Variants in MARCHF1 observed in about 807,000 individuals in gnomAD.
The protein encoded by MARCHF1 is E3 ubiquitin-protein ligase MARCHF1.
Under a neutral mutation model 54.2 loss-of-function variants are expected in MARCHF1, and 40 were observed. The observed-to-expected ratio is 0.74, with a 90% confidence interval of 0.57 to 0.96. The LOEUF (loss-of-function observed/expected upper bound fraction) is 0.96. Ranked by LOEUF, MARCHF1 falls within the 40% of genes least tolerant of loss-of-function variation. The probability of loss-of-function intolerance (pLI) is 0.00; values close to 1 mark genes in which losing one functional copy is unlikely to be tolerated. For missense variants in MARCHF1, 586 were observed against 656.5 expected (o/e 0.89, Z 1.17); for synonymous variants, 236 against 236.3 (o/e 1.00, Z 0.01).
intron 3 of MARCHF1, among the ~76,000 whole-genome samples, chr4:163,927,488 A>C (rs1751562164): frequency 6.6e-6 from 1 of 151,780 alleles, no homozygotes; most frequent in African/African-American, 2.4e-5. Flanking sequence ...AAGTTATGAA[A>C]ATTTTAAGTC....
At chr4:164,115,964 C>G (rs1755930818) in intron 1 of MARCHF1, among the ~76,000 whole-genome samples, 1 of 139,482 alleles carries the variant, frequency 7.2e-6, no homozygotes, top group African/African-American at 2.5e-5. Context: ...TCTCCTATCT[C>G]TAATTATGAA....
At chr4:163,558,401 T>C (rs1317066492) in intron 8 of MARCHF1, among the ~76,000 whole-genome samples, 1 of 152,184 alleles carries the variant, frequency 6.6e-6, no homozygotes, top group Non-Finnish European at 1.5e-5. Context: ...TTTTCTGTTG[T>C]TCTGAGGAGA....
intron 2 of MARCHF1, among the ~76,000 whole-genome samples, chr4:164,019,517 T>G (rs1316446343): frequency 6.6e-6 from 1 of 152,190 alleles, no homozygotes; most frequent in Non-Finnish European, 1.5e-5. Flanking sequence ...AATAGAACAC[T>G]GCAATCTGTG....
At chr4:163,625,386 A>T (rs1487026529) in intron 5 of MARCHF1, among the ~76,000 whole-genome samples, 1 of 152,244 alleles carries the variant, frequency 6.6e-6, no homozygotes, top group Non-Finnish European at 1.5e-5. Flanking sequence ...ACTTTGAGAA[A>T]AAAAGGCCAC....
At chr4:163,739,843 T>C (rs1384570052) in intron 4 of MARCHF1, among the ~76,000 whole-genome samples, 1 of 152,206 alleles carries the variant, frequency 6.6e-6, no homozygotes, top group Non-Finnish European at 1.5e-5. Flanking sequence ...CTTCACAAAA[T>C]CTTGTCCTAT....
intron 2 of MARCHF1, among the ~76,000 whole-genome samples, chr4:163,992,500 G>T (rs1215175709): frequency 6.6e-6 from 1 of 151,928 alleles, no homozygotes; most frequent in Non-Finnish European, 1.5e-5. Context: ...ACGAATTGAG[G>T]CCTCTATTGT....
chr4:163,622,132 C>CA (rs895479291), intron 5 of MARCHF1, among the ~76,000 whole-genome samples: 4 of 151,930 alleles, frequency 2.6e-5, no homozygotes, highest in African/African-American at 9.7e-5. Context: ...AACCAGGGGT[C>CA]ACCAGAGTTA....
intron 5 of MARCHF1, among the ~76,000 whole-genome samples, chr4:163,634,163 A>T (rs28862314): frequency 2.6e-5 from 4 of 151,910 alleles, no homozygotes; most frequent in Admixed American, 1.3e-4. Context: ...TAAAGACCAT[A>T]GAGACTAGGA....
chr4:164,032,359 T>A (rs774825509), intron 2 of MARCHF1, among the ~76,000 whole-genome samples: 17 of 152,202 alleles, frequency 1.1e-4, no homozygotes, highest in Non-Finnish European at 2.5e-4. Context: ...TCTTAGTTAT[T>A]TCTTGTCTAC....
intron 5 of MARCHF1, among the ~76,000 whole-genome samples, chr4:163,620,497 T>A (rs1449948243): frequency 6.6e-6 from 1 of 151,422 alleles, no homozygotes; most frequent in South Asian, 2.1e-4. Flanking sequence ...TAGCAAGAAG[T>A]TGGAAACAAC....
chr4:163,990,113 T>C (rs1183357643), intron 2 of MARCHF1, among the ~76,000 whole-genome samples: 3 of 152,222 alleles, frequency 2.0e-5, no homozygotes, highest in Admixed American at 2.0e-4. Context: ...AAACAATATA[T>C]GTAAAGACTG....
intron 5 of MARCHF1, among the ~76,000 whole-genome samples, chr4:163,683,888 G>GGCTC (rs1355950124): frequency 7.1e-6 from 1 of 141,580 alleles, no homozygotes; most frequent in Non-Finnish European, 1.6e-5. Context: ...ATCATGTGGA[G>GGCTC]GCTCACTCAC....
At chr4:163,601,649 C>T (rs149252437) in intron 7 of MARCHF1, among the ~76,000 whole-genome samples, 2,047 of 152,010 alleles carry the variant, frequency 0.013, 30 homozygotes, top group Non-Finnish European at 0.019. Context: ...CCTCATAACA[C>T]GTAAATATTG....
chr4:164,127,960 T>C (rs1756220752), intron 1 of MARCHF1, among the ~76,000 whole-genome samples: 1 of 152,060 alleles, frequency 6.6e-6, no homozygotes, highest in African/African-American at 2.4e-5. Flanking sequence ...TAAAACATAA[T>C]ATAATGCCTC....
intron 2 of MARCHF1, among the ~76,000 whole-genome samples, chr4:164,005,278 A>C (rs1432467797): frequency 6.6e-6 from 1 of 152,196 alleles, no homozygotes; most frequent in Non-Finnish European, 1.5e-5. Flanking sequence ...AGTAGCCCTA[A>C]TTTTAATACC....
intron 1 of MARCHF1, among the ~76,000 whole-genome samples, chr4:164,202,993 A>AAGAGAGAG (rs113576749): frequency 6.7e-6 from 1 of 149,562 alleles, no homozygotes; most frequent in African/African-American, 2.4e-5. Flanking sequence ...GAAAGGGAGA[A>AAGAGAGAG]AGAGAGAGAG....
intron 2 of MARCHF1, among the ~76,000 whole-genome samples, chr4:164,099,150 G>C (rs1755479622): frequency 6.6e-6 from 1 of 152,144 alleles, no homozygotes; most frequent in Non-Finnish European, 1.5e-5. Context: ...TAAACAAACA[G>C]TCTGACTTGT....
intron 8 of MARCHF1, among the ~76,000 whole-genome samples, chr4:163,559,983 T>A (rs973151014): frequency 6.6e-6 from 1 of 152,166 alleles, no homozygotes; most frequent in African/African-American, 2.4e-5. Flanking sequence ...TATAAGTTCT[T>A]TATCAGACAT....
At chr4:163,704,922 A>C (rs1744906739) in intron 4 of MARCHF1, among the ~76,000 whole-genome samples, 1 of 151,696 alleles carries the variant, frequency 6.6e-6, no homozygotes, top group East Asian at 1.9e-4. Context: ...TATTAAGGGA[A>C]AGAGAGAACA....
Sources: gnomAD v4.1 joint callset for allele counts (sites outside exome capture counted in the v4.1 genomes callset) on GRCh38, gnomAD v4.1.1 for gene constraint, MANE v1.5 for transcripts, NCBI Gene and HGNC (gene_info 2026-07-23, HGNC 2026-07-21) for gene names.